NDUFAF2: variants seen among roughly 807,000 people sequenced by gnomAD.
NDUFAF2 encodes the protein NADH:ubiquinone oxidoreductase complex assembly factor 2.
In NDUFAF2, 13 loss-of-function variants were observed where a neutral mutation model predicts 22.8. The observed-to-expected ratio is 0.57, with a 90% CI of 0.37 to 0.91. The LOEUF (loss-of-function observed/expected upper bound fraction) is 0.91. NDUFAF2 is among the 40% of genes least tolerant of loss of function. The pLI is 0.01. For synonymous variants in NDUFAF2, 53 were observed against 64.2 expected (o/e 0.83, Z 0.84); for missense variants, 162 against 195.2 (o/e 0.83, Z 1.01).
chr5:61,107,000 A>ATT (rs1752772440), intron 3 of NDUFAF2, among the ~76,000 whole-genome samples: 1 of 146,476 alleles, frequency 6.8e-6, no homozygotes, highest in South Asian at 2.2e-4. Flanking sequence ...ACATGGGAGT[A>ATT]CAGGTATCTC....
chr5:61,016,794 C>T (rs954949966), intron 1 of NDUFAF2, among the ~76,000 whole-genome samples: 1 of 152,086 alleles, frequency 6.6e-6, no homozygotes, highest in Non-Finnish European at 1.5e-5. Context: ...TTATAAATCT[C>T]GATAATAATT....
intron 1 of NDUFAF2, among the ~76,000 whole-genome samples, chr5:60,953,528 A>G (rs1195652528): frequency 2.0e-5 from 3 of 152,108 alleles, no homozygotes; most frequent in Non-Finnish European, 4.4e-5. Context: ...TTTGTAGCAT[A>G]TATGCTTCAG....
At chr5:61,044,022 T>G (rs1751916581) in intron 1 of NDUFAF2, among the ~76,000 whole-genome samples, 1 of 152,182 alleles carries the variant, frequency 6.6e-6, no homozygotes, top group Admixed American at 6.5e-5. Context: ...ACTTGTTATC[T>G]TTTGTCTTTT....
chr5:61,110,134 C>G (rs1250951519), intron 3 of NDUFAF2, among the ~76,000 whole-genome samples: 2 of 152,176 alleles, frequency 1.3e-5, no homozygotes, highest in Non-Finnish European at 2.9e-5. Flanking sequence ...CTTTGCATCC[C>G]TAGGATAAAT....
chr5:60,989,872 C>T (rs561300304), intron 1 of NDUFAF2, among the ~76,000 whole-genome samples: 166 of 152,028 alleles, frequency 1.1e-3, no homozygotes, highest in African/African-American at 3.8e-3. Context: ...GTATTCCAAA[C>T]GTGTATATGC....
intron 1 of NDUFAF2, among the ~76,000 whole-genome samples, chr5:60,983,643 T>C (rs1030067754): frequency 4.6e-5 from 7 of 151,240 alleles, no homozygotes; most frequent in African/African-American, 1.7e-4. Flanking sequence ...CCCAGCACCA[T>C]TTATTAAATA....
At chr5:60,950,570 C>G (rs764283409) in intron 1 of NDUFAF2, among the ~76,000 whole-genome samples, 1 of 150,122 alleles carries the variant, frequency 6.7e-6, no homozygotes, top group Non-Finnish European at 1.5e-5. Context: ...GTCTGTACCT[C>G]GTTTGCTGAG....
chr5:61,110,870 G>A (rs1752831982), intron 3 of NDUFAF2, among the ~76,000 whole-genome samples: 2 of 151,798 alleles, frequency 1.3e-5, no homozygotes, highest in Middle Eastern at 3.4e-3. Context: ...TTTGGGTTTG[G>A]TTTCCTTTTG....
chr5:61,101,450 A>G (rs1449480094), intron 3 of NDUFAF2, among the ~76,000 whole-genome samples: 2 of 152,088 alleles, frequency 1.3e-5, no homozygotes, highest in African/African-American at 4.8e-5. Flanking sequence ...ATCCTCTTCC[A>G]TTTCTTTTAC....
intron 1 of NDUFAF2, among the ~76,000 whole-genome samples, chr5:60,955,290 T>C (rs994346373): frequency 6.6e-6 from 1 of 152,238 alleles, no homozygotes; most frequent in African/African-American, 2.4e-5. Context: ...CATGTGGATA[T>C]CTAGTTTTCC....
intron 1 of NDUFAF2, among the ~76,000 whole-genome samples, chr5:61,022,205 T>C (rs1434600205): frequency 2.6e-5 from 4 of 152,226 alleles, no homozygotes; most frequent in African/African-American, 9.6e-5. Context: ...CTATTACTCT[T>C]TCCAAGTTAC....
intron 3 of NDUFAF2, among the ~76,000 whole-genome samples, chr5:61,137,697 A>G (rs770342600): frequency 6.6e-6 from 1 of 152,248 alleles, no homozygotes; most frequent in African/African-American, 2.4e-5. Flanking sequence ...AGAAAATGAC[A>G]TGAAATGAGA....
chr5:61,152,707 A>G lies in NDUFAF2; in HGVS notation c.262A>G (p.Ile88Val). ...TTCCATTTATATATACATGCAGGAA[A>G]TACTAAAGAATGAAAAACACAGAGA... ...TRKTPPTMEE[I>V]LKNEKHREEI... The change falls in exon 4 of 4, where the codon ATA becomes GTA. Residue 88 changes from isoleucine (I) to valine (V), a missense_variant. Around this residue, in one of 2 missense-constraint regions of NDUFAF2, gnomAD observed 68 missense variants for 110.0 expected, o/e 0.62. Transcript: ENST00000296597. 1 of 1,554,974 alleles carries G rather than the reference A, an allele frequency of 6.4e-7. No homozygotes were observed. Among genetic ancestry groups the G allele is most frequent in the Non-Finnish European group, 8.7e-7 (1 of 1,149,198 alleles).
At chr5:61,096,931 TACA>T (rs1304852947) in intron 2 of NDUFAF2, among the ~76,000 whole-genome samples, 2 of 152,008 alleles carry the variant, frequency 1.3e-5, no homozygotes, top group Non-Finnish European at 2.9e-5. Flanking sequence ...ACCATTGCAC[TACA>T]GCCTGGGTAA....
chr5:60,948,265 G>T lies in NDUFAF2; in HGVS notation c.127+2883G>T, dbSNP rs1208397245. 2.6e-5 allele frequency among the ~76,000 whole-genome samples: 4 copies of T among 152,258 alleles called. No individual in the cohort carries two copies. The East Asian group carries it at 7.7e-4, about 29-fold the overall frequency. ...GATGGAGTCTCGCCCTGTCGCCCAG[G>T]CTGGAGTGCAGTGGCGCTATCTCGG... is the stretch of plus-strand genomic sequence containing the variant. On this transcript the variant is annotated intron_variant, in intron 1 of 3. Coordinates refer to ENST00000296597, the MANE Select transcript of NDUFAF2 (RefSeq NM_174889.5).
chr5:61,066,897 G>T (rs1011476251), intron 1 of NDUFAF2, among the ~76,000 whole-genome samples: 2 of 152,094 alleles, frequency 1.3e-5, no homozygotes. Flanking sequence ...TGTATACAGA[G>T]ACCAGGAACA....
At chr5:61,053,691 C>T (rs1308928690) in intron 1 of NDUFAF2, among the ~76,000 whole-genome samples, 1 of 152,012 alleles carries the variant, frequency 6.6e-6, no homozygotes, top group Admixed American at 6.6e-5. Flanking sequence ...TCCCACACAA[C>T]CCCATGGACA....
intron 1 of NDUFAF2, among the ~76,000 whole-genome samples, chr5:61,036,820 T>C (rs2112613108): frequency 6.6e-6 from 1 of 152,284 alleles, no homozygotes; most frequent in East Asian, 1.9e-4. Context: ...ATAAATTCTC[T>C]AATGTTACTG....
At chr5:61,018,957 CA>C (rs1375961969) in intron 1 of NDUFAF2, among the ~76,000 whole-genome samples, 2 of 151,966 alleles carry the variant, frequency 1.3e-5, no homozygotes, top group East Asian at 3.9e-4. Context: ...TATGCACACA[CA>C]AAAAATAAGT....
Sources: gnomAD v4.1 joint callset for allele counts (sites outside exome capture counted in the v4.1 genomes callset) on GRCh38, gnomAD v4.1.1 for gene constraint, gnomAD v4.1.1 regional missense constraint, MANE v1.5 for transcripts, NCBI Gene and HGNC (gene_info 2026-07-23, HGNC 2026-07-21) for gene names.